SREBF1: variants seen among roughly 807,000 people sequenced by gnomAD.
SREBF1 encodes sterol regulatory element binding transcription factor 1.
SREBF1 carries 45 observed loss-of-function variants against 100.1 expected under a neutral mutation model. That is an observed-to-expected ratio of 0.45 (90% CI 0.35 to 0.58). The LOEUF is 0.58. Among genes scored for constraint, SREBF1 ranks in the 20% least tolerant of loss-of-function variants. The probability of loss-of-function intolerance (pLI) is 0.00; values close to 1 mark genes in which losing one functional copy is unlikely to be tolerated. For synonymous variants in SREBF1, 657 were observed against 681.8 expected (o/e 0.96, Z 0.57); for missense variants, 1,324 against 1,539.4 (o/e 0.86, Z 2.34).
intron 1 of SREBF1, among the ~76,000 whole-genome samples, chr17:17,827,966 C>G (rs111456445): frequency 0.012 from 1,791 of 152,326 alleles, 36 homozygotes; most frequent in African/African-American, 0.041. Flanking sequence ...CCACCACCCC[C>G]CCAGACCTAT....
intron 1 of SREBF1, chr17:17,823,650 GCGC>G: frequency 1.3e-6 from 2 of 1,487,822 alleles, no homozygotes; most frequent in Non-Finnish European, 1.8e-6. Flanking sequence ...GAGCGCTGCG[GCGC>G]GCCCGCCCCG....
At chr17:17,833,090 C>T (rs2034975833) in intron 1 of SREBF1, among the ~76,000 whole-genome samples, 1 of 151,954 alleles carries the variant, frequency 6.6e-6, no homozygotes, top group African/African-American at 2.4e-5. Context: ...AAGCAGATTC[C>T]AATCAGCTGT....
chr17:17,813,133 C>CTTT, intron 18 of SREBF1: 1 of 566,300 alleles, frequency 1.8e-6, no homozygotes, highest in South Asian at 2.1e-5. Flanking sequence ...GATGCTTGGT[C>CTTT]TTTTTTTTTT....
At chr17:17,829,210 ATATATAT>A in intron 1 of SREBF1, among the ~76,000 whole-genome samples, 1 of 19,476 alleles carries the variant, frequency 5.1e-5, no homozygotes, top group Non-Finnish European at 2.4e-4. Flanking sequence ...AAAAAAATAT[ATATATAT>A]ATATATATAT....
In SREBF1 at chr17:17,812,531, G is replaced by A; in HGVS notation, c.*91C>T. The stretch of plus-strand genomic sequence containing the variant: ...TGTGGAGGCCAGAGTCTCTTGCACT[G>A]CCTTCGGCCTTCAAAGCTTCGACGC... On this transcript the variant is annotated 3_prime_UTR_variant, in exon 19 of 19. Transcript: ENST00000261646. 1.5e-6 allele frequency: 2 copies of A among 1,338,142 alleles called. No individual in the cohort carries two copies. Among genetic ancestry groups the A allele is most frequent in the South Asian group, 2.5e-5 (2 of 78,460 alleles). The allele number at this position is 1,338,142 out of a possible 1,614,324, so 82.9% of individuals were successfully genotyped here.
chr17:17,817,114 C>A lies in SREBF1; in HGVS notation c.1629G>T (p.Trp543Cys). 6.2e-7 allele frequency: 1 copy of A among 1,613,176 alleles called. No homozygotes were observed. Among genetic ancestry groups the A allele is most frequent in the Non-Finnish European group, 8.5e-7 (1 of 1,179,922 alleles). Residue 543 changes from tryptophan to cysteine, a missense_variant, in exon 9 of 19, where the codon TGG (tryptophan) becomes TGT (cysteine). By Grantham distance (215) the Trp-to-Cys change is radical (BLOSUM62 -2). Coordinates refer to ENST00000261646, the MANE Select transcript of SREBF1 (RefSeq NM_004176.5). The surrounding 1 kb of genome is among the most constrained non-coding windows in gnomAD (Gnocchi z 6.6). ...GCAGCCAGACCACTGGGGGCAGCAG[C>A]CACTGGGCCCAGCCAGGGCCATCTA... ...ESRDGPGWAQWLLPPVVWLLN... is the reference protein window; with the variant it reads ...ESRDGPGWAQCLLPPVVWLLN...
chr17:17,822,923 C>A (rs1007301132), intron 1 of SREBF1, among the ~76,000 whole-genome samples: 1 of 152,182 alleles, frequency 6.6e-6, no homozygotes, highest in Non-Finnish European at 1.5e-5. Context: ...CCCCAGTCTT[C>A]CTGGCTTCTC....
At position 17,819,467 on chromosome 17, in the gene SREBF1, G is replaced by A. The variant is rs764850318; in HGVS notation, c.712-13C>T. 6 of 1,613,570 alleles carry A rather than the reference G, an allele frequency of 3.7e-6. No individual in the cohort carries two copies. Among genetic ancestry groups the A allele is most frequent in the Non-Finnish European group, 5.1e-6 (6 of 1,180,042 alleles). Reference sequence around the variant, plus strand: ...GCTGCAGCAGGACCTGAGGGTGGGAGAGGCTTGGCTGTAAGCTGTGTGTCT... The same window carrying A: ...GCTGCAGCAGGACCTGAGGGTGGGAAAGGCTTGGCTGTAAGCTGTGTGTCT... On this transcript the variant is annotated splice_polypyrimidine_tract_variant and intron_variant, in intron 3 of 18. Transcript: ENST00000261646.
In SREBF1 at chr17:17,816,313, G is replaced by A. The variant is rs2033581538; in HGVS notation, c.2108C>T (p.Ala703Val). Reference protein sequence around the residue: ...TNLALSALNLAECAGDAVSVA... With the variant: ...TNLALSALNLVECAGDAVSVA... ...AGACACGGCATCCCCTGCACACTCT[G>A]CCAGGTTCAGGGCACTCAGCGCCAG... The change falls in exon 11 of 19, where the codon GCA becomes GTA. Residue 703 changes from alanine (A) to valine (V), a missense_variant. Ala to Val is a moderately conservative substitution (Grantham distance 64). Transcript: ENST00000261646. 1 of 1,582,860 alleles carries A rather than the reference G, an allele frequency of 6.3e-7. No homozygotes were observed. The highest frequency in any genetic ancestry group is 8.6e-7 in the Non-Finnish European group (1 of 1,168,436).
At chr17:17,815,694 C>T (rs544552754) in intron 12 of SREBF1, 166 bp downstream of exon 12, 5 of 721,972 alleles carry the variant, frequency 6.9e-6, no homozygotes, top group Non-Finnish European at 7.0e-6. Flanking sequence ...CCAATGGGAA[C>T]GAGAGGCACC....
At chr17:17,825,750 G>A (rs1380762158) in intron 1 of SREBF1, among the ~76,000 whole-genome samples, 3 of 151,976 alleles carry the variant, frequency 2.0e-5, no homozygotes, top group African/African-American at 7.3e-5. Context: ...TGGGATTACA[G>A]GTGTGCGCCA....
At position 17,816,349 on chromosome 17, in the gene SREBF1, G is replaced by T; in HGVS notation, c.2072C>A (p.Thr691Asn). The T allele has an allele frequency of 6.3e-7, 1 of 1,584,528 alleles. No individual in the cohort carries two copies. The change falls in exon 11 of 19, where the codon ACT becomes AAT. Residue 691 changes from threonine (T) to asparagine (N), a missense_variant. Physicochemically the swap from Thr to Asn is moderately conservative, Grantham distance 65. Transcript: ENST00000261646. ...GGCACTCAGCGCCAGGTTGGTGGCAGTGAGGTGCCCGCCTGTGTGCTTCCC... is the reference window on the plus strand; with the variant it reads ...GGCACTCAGCGCCAGGTTGGTGGCATTGAGGTGCCCGCCTGTGTGCTTCCC... Reference protein sequence around the residue: ...TMGKHTGGHLTATNLALSALN... With the variant: ...TMGKHTGGHLNATNLALSALN...
intron 1 of SREBF1, chr17:17,823,404 G>T (rs1310634364): frequency 9.4e-6 from 8 of 852,188 alleles, no homozygotes; most frequent in Non-Finnish European, 1.6e-5. Flanking sequence ...TCTCCCTCGG[G>T]AAGGGGCTCT....
chr17:17,822,791 C>T (rs1358577281), intron 1 of SREBF1, among the ~76,000 whole-genome samples: 2 of 152,218 alleles, frequency 1.3e-5, no homozygotes, highest in Non-Finnish European at 2.9e-5. Flanking sequence ...CGAGGCTTTG[C>T]TTGGCAGGCA....
At chr17:17,819,783 G>A (rs1403373175) in intron 2 of SREBF1, 58 bp from the exon 3 acceptor site, 2 of 1,518,122 alleles carry the variant, frequency 1.3e-6, no homozygotes, top group Non-Finnish European at 8.8e-7. Flanking sequence ...CTTTCAACCT[G>A]CTCTTCAGGT....
At chr17:17,834,025 C>CAGAGAGAGAGAGAGAGAGAGAGAGAG (rs113396102) in intron 1 of SREBF1, among the ~76,000 whole-genome samples, 4 of 147,508 alleles carry the variant, frequency 2.7e-5, no homozygotes, top group African/African-American at 1.0e-4. Flanking sequence ...CATATAAACA[C>CAGAGAGAGAGAGAGAGAGAGAGAGAG]ACAGAGAGAG....
In SREBF1 at chr17:17,812,003, C is replaced by T. The variant is rs2297508; in HGVS notation, c.*619G>A. 19 of 437,812 alleles carry T rather than the reference C, an allele frequency of 4.3e-5. 1 individual carries two copies. The highest frequency in any genetic ancestry group is 2.9e-4 in the South Asian group (18 of 61,658). The allele number at this position is 437,812 out of a possible 1,614,324, so 27.1% of individuals were successfully genotyped here. ...GGCCGGAGGGGGAGGGGAAGCCTTT[C>T]CCTAGGTGCTGGGGGAGGGCCCAAG... On this transcript the variant is annotated 3_prime_UTR_variant, in exon 19 of 19. Coordinates refer to ENST00000261646, the MANE Select transcript of SREBF1 (RefSeq NM_004176.5).
At chr17:17,833,659 T>C (rs546588860) in intron 1 of SREBF1, among the ~76,000 whole-genome samples, 1 of 151,750 alleles carries the variant, frequency 6.6e-6, no homozygotes, top group African/African-American at 2.4e-5. Flanking sequence ...TTGTGATACA[T>C]AAAGTATACC....
chr17:17,814,470 C>A (rs1315903881), intron 15 of SREBF1, 60 bp from the exon 16 acceptor site: 1 of 1,542,710 alleles, frequency 6.5e-7, no homozygotes, highest in Non-Finnish European at 8.7e-7. Context: ...TGGCTGAGTG[C>A]CCCCCACTTC....
Sources: gnomAD v4.1 joint callset for allele counts (sites outside exome capture counted in the v4.1 genomes callset) on GRCh38, gnomAD v4.1.1 for gene constraint, Gnocchi (gnomAD v3.1) non-coding constraint, MANE v1.5 for transcripts, NCBI Gene and HGNC (gene_info 2026-07-23, HGNC 2026-07-21) for gene names.